Variants in CHST11 observed in about 807,000 individuals in gnomAD.
CHST11 encodes the protein C4S-1.
CHST11 carries 9 observed loss-of-function variants against 30.4 expected under a neutral mutation model. The ratio of observed to expected loss-of-function variants is 0.30; its 90% CI spans 0.18 to 0.52. The LOEUF (loss-of-function observed/expected upper bound fraction) is 0.52. CHST11 is among the 20% of genes least tolerant of loss of function. CHST11 has a pLI of 0.97. For synonymous variants in CHST11, 152 were observed against 187.8 expected, an observed-to-expected ratio of 0.81 and a Z score of 1.56; for missense variants, 348 against 460.6, an observed-to-expected ratio of 0.76 and a Z score of 2.24.
chr12:104,608,307 AT>A (rs1236434847), intron 2 of CHST11, among the ~76,000 whole-genome samples: 1 of 152,226 alleles, frequency 6.6e-6, no homozygotes, highest in Non-Finnish European at 1.5e-5. Context: ...TAAGCTATGT[AT>A]CTGCCTTTCT....
chr12:104,588,095 G>T (rs928845224), intron 1 of CHST11, among the ~76,000 whole-genome samples: 9 of 150,694 alleles, frequency 6.0e-5, no homozygotes, highest in African/African-American at 1.7e-4. Context: ...CAGTTTTATT[G>T]AAATACTATT....
At chr12:104,563,087 CT>C (rs752885298) in intron 1 of CHST11, among the ~76,000 whole-genome samples, 5 of 152,100 alleles carry the variant, frequency 3.3e-5, no homozygotes, top group Admixed American at 6.5e-5. Flanking sequence ...GTTGCCAAGG[CT>C]GGAGTGCAGT....
At chr12:104,515,064 C>A (rs118129269) in intron 1 of CHST11, among the ~76,000 whole-genome samples, 12 of 152,204 alleles carry the variant, frequency 7.9e-5, no homozygotes, top group Non-Finnish European at 1.8e-4. Flanking sequence ...GAATCTAGCC[C>A]GTCTCCCGCT....
chr12:104,662,314 G>A (rs1404541996), intron 2 of CHST11, among the ~76,000 whole-genome samples: 1 of 152,144 alleles, frequency 6.6e-6, no homozygotes, highest in Non-Finnish European at 1.5e-5. Flanking sequence ...CTTAAAGGCT[G>A]GAAATAATTG....
rs187640707 is a variant in CHST11, at chr12:104,624,272, C to T, written c.204+22281C>T. Among the ~76,000 whole-genome samples, 13 of 152,146 alleles carry T rather than the reference C, an allele frequency of 8.5e-5. No homozygotes were observed. In the East Asian group the frequency reaches 1.2e-3, roughly 14 times the overall value. Reference sequence around the variant, plus strand: ...GGCAGGAGAAGAAAAAGAAGGGAGACGGTTTGAAACAATGGGTATTAAATG... The same window carrying T: ...GGCAGGAGAAGAAAAAGAAGGGAGATGGTTTGAAACAATGGGTATTAAATG... On this transcript the variant is annotated intron_variant, in intron 2 of 2. Transcript: ENST00000303694.
chr12:104,626,531 A>G (rs2039215731), intron 2 of CHST11, among the ~76,000 whole-genome samples: 1 of 141,810 alleles, frequency 7.1e-6, no homozygotes. Context: ...GGTTCTGTAC[A>G]TTTGTTTTTC....
chr12:104,648,664 A>T (rs78613289), intron 2 of CHST11, among the ~76,000 whole-genome samples: 1 of 152,118 alleles, frequency 6.6e-6, no homozygotes, highest in Non-Finnish European at 1.5e-5. Context: ...ACAAAAAAAA[A>T]TTAGCCAGGT....
intron 2 of CHST11, among the ~76,000 whole-genome samples, chr12:104,698,681 C>T (rs2039968682): frequency 6.6e-6 from 1 of 152,174 alleles, no homozygotes; most frequent in Non-Finnish European, 1.5e-5. Flanking sequence ...TGTCTGTTAT[C>T]TGTTAGAAAG....
At chr12:104,667,869 C>T (rs563625209) in intron 2 of CHST11, among the ~76,000 whole-genome samples, 73 of 152,290 alleles carry the variant, frequency 4.8e-4, no homozygotes, top group African/African-American at 1.6e-3. Context: ...CCCAGACCCA[C>T]GGAATCAGAA....
In CHST11 at chr12:104,735,038, G is replaced by A. The variant is rs77439298; in HGVS notation, c.205-21911G>A. On this transcript the variant is annotated intron_variant, in intron 2 of 2. Coordinates refer to ENST00000303694, the MANE Select transcript of CHST11 (RefSeq NM_018413.6). ...GAGCTCCTGCTCTGGGGGCAGGCAT[G>A]GTGCTCAACACAGGGGATTCCAGGA... Among the ~76,000 whole-genome samples the A allele has an allele frequency of 2.1e-4, 32 of 152,322 alleles. No individual in the cohort carries two copies. In the East Asian group the frequency reaches 5.2e-3, roughly 25 times the overall value.
chr12:104,710,703 T>C (rs974718331), intron 2 of CHST11, among the ~76,000 whole-genome samples: 2 of 152,198 alleles, frequency 1.3e-5, no homozygotes, highest in Non-Finnish European at 1.5e-5. Flanking sequence ...ACGTGGCCCC[T>C]CAAACTGTAA....
chr12:104,538,302 C>T (rs1224066569), intron 1 of CHST11, among the ~76,000 whole-genome samples: 1 of 152,212 alleles, frequency 6.6e-6, no homozygotes, highest in South Asian at 2.1e-4. Context: ...CATGAATTGA[C>T]TGAGGTTTGG....
intron 2 of CHST11, among the ~76,000 whole-genome samples, chr12:104,646,355 G>C (rs2039430383): frequency 6.6e-6 from 1 of 152,076 alleles, no homozygotes; most frequent in South Asian, 2.1e-4. Context: ...CTTAAATGTT[G>C]CTTTCTCAGG....
intron 1 of CHST11, among the ~76,000 whole-genome samples, chr12:104,514,993 G>A (rs2038007634): frequency 6.6e-6 from 1 of 152,156 alleles, no homozygotes; most frequent in Non-Finnish European, 1.5e-5. Context: ...CATTGTGAAA[G>A]GACTCTGGGT....
intron 1 of CHST11, among the ~76,000 whole-genome samples, chr12:104,547,580 T>A (rs533404293): frequency 6.6e-6 from 1 of 152,050 alleles, no homozygotes; most frequent in East Asian, 1.9e-4. Flanking sequence ...AATGAGAGAA[T>A]AGCACAAGAC....
intron 2 of CHST11, among the ~76,000 whole-genome samples, chr12:104,720,203 GC>G (rs2040163016): frequency 6.6e-6 from 1 of 152,252 alleles, no homozygotes; most frequent in Non-Finnish European, 1.5e-5. Flanking sequence ...GGCATCAGCT[GC>G]CATGTCTTGA....
At chr12:104,663,347 G>C (rs2039614116) in intron 2 of CHST11, among the ~76,000 whole-genome samples, 1 of 151,934 alleles carries the variant, frequency 6.6e-6, no homozygotes. Context: ...TTTTTTTGTA[G>C]GTATGAGACA....
In CHST11 at chr12:104,479,050, C is replaced by T. The variant is rs921648561; in HGVS notation, c.118+21521C>T. ...TTTTCAAAAGAGTCACCTGTCTTTA[C>T]TTGGCATTTCCAAACTTGCCTCAGA... On this transcript the variant is annotated intron_variant, in intron 1 of 2. Coordinates refer to ENST00000303694, the MANE Select transcript of CHST11 (RefSeq NM_018413.6). 2.6e-5 allele frequency among the ~76,000 whole-genome samples: 4 copies of T among 152,120 alleles called. No individual in the cohort carries two copies. The East Asian group carries it at 7.7e-4, about 29-fold the overall frequency.
intron 1 of CHST11, among the ~76,000 whole-genome samples, chr12:104,527,056 G>A (rs181513173): frequency 6.6e-6 from 1 of 152,330 alleles, no homozygotes; most frequent in African/African-American, 2.4e-5. Context: ...CTTTCATGGT[G>A]TAACGGGTTG....
Sources: allele counts gnomAD v4.1 joint callset (sites outside exome capture counted in the v4.1 genomes callset), GRCh38; gene constraint gnomAD v4.1.1; transcripts MANE v1.5; gene names NCBI Gene and HGNC (gene_info 2026-07-23, HGNC 2026-07-21).